SGMS1: variants seen among roughly 807,000 people sequenced by gnomAD.
SGMS1 encodes the protein sphingomyelin synthase 1.
In SGMS1, 13 loss-of-function variants were observed where a neutral mutation model predicts 46.2. The ratio of observed to expected loss-of-function variants is 0.28; its 90% CI spans 0.18 to 0.45. The LOEUF is 0.45. SGMS1 is among the 20% of genes least tolerant of loss of function. The pLI is 1.00. For synonymous variants in SGMS1, 203 were observed against 187.8 expected, an observed-to-expected ratio of 1.08 and a Z score of -0.66; for missense variants, 324 against 519.9, an observed-to-expected ratio of 0.62 and a Z score of 3.66.
At chr10:50,473,081 C>T (rs1410467258) in intron 3 of SGMS1, among the ~76,000 whole-genome samples, 2 of 152,144 alleles carry the variant, frequency 1.3e-5, no homozygotes, top group African/African-American at 2.4e-5. Context: ...CAGTCTTATT[C>T]CACTACCAAC....
At chr10:50,524,185 C>T (rs1421066751) in intron 2 of SGMS1, among the ~76,000 whole-genome samples, 2 of 152,166 alleles carry the variant, frequency 1.3e-5, no homozygotes, top group African/African-American at 2.4e-5. Flanking sequence ...TCTTGGGGCT[C>T]TTAGAACAGT....
chr10:50,348,650 C>T (rs775319343), intron 6 of SGMS1, among the ~76,000 whole-genome samples: 1 of 152,156 alleles, frequency 6.6e-6, no homozygotes, highest in Non-Finnish European at 1.5e-5. Flanking sequence ...CAAACCACTA[C>T]TCAAGGAAAT....
rs1360614134 is a variant in SGMS1, at chr10:50,444,423, C to T, written c.-312-10867G>A. ...AGGACAGATGAATAGAACAATGGAT[C>T]AAAACAGAGATCACAAATAGACACA... is the stretch of plus-strand genomic sequence containing the variant. On this transcript the variant is annotated intron_variant, in intron 5 of 10. Coordinates refer to ENST00000361781, the MANE Select transcript of SGMS1 (RefSeq NM_147156.4). Among the ~76,000 whole-genome samples, 3 of 152,234 alleles carry T rather than the reference C, an allele frequency of 2.0e-5. No homozygotes were observed. The East Asian group carries it at 5.8e-4, about 29-fold the overall frequency.
intron 2 of SGMS1, among the ~76,000 whole-genome samples, chr10:50,574,982 T>TATATATATATATATATATATATATAA (rs1478350910): frequency 6.9e-6 from 1 of 145,078 alleles, no homozygotes; most frequent in Non-Finnish European, 1.5e-5. Context: ...TATATATATA[T>TATATATATATATATATATATATATAA]ATAAAACAAA....
At chr10:50,502,723 A>T (rs1837672213) in intron 3 of SGMS1, among the ~76,000 whole-genome samples, 1 of 152,190 alleles carries the variant, frequency 6.6e-6, no homozygotes, top group South Asian at 2.1e-4. Flanking sequence ...CATCAAATGT[A>T]TTTATGTGGA....
At chr10:50,462,713 C>A (rs1254687659) in intron 4 of SGMS1, among the ~76,000 whole-genome samples, 4 of 152,062 alleles carry the variant, frequency 2.6e-5, no homozygotes, top group Non-Finnish European at 5.9e-5. Context: ...TCTAAATGCC[C>A]ATCAAAATGT....
intron 6 of SGMS1, among the ~76,000 whole-genome samples, chr10:50,416,165 C>A (rs1252947905): frequency 2.0e-5 from 3 of 152,140 alleles, no homozygotes; most frequent in Non-Finnish European, 4.4e-5. Flanking sequence ...CTGCTTTGAA[C>A]CAAGAACCTC....
intron 1 of SGMS1, among the ~76,000 whole-genome samples, chr10:50,592,773 T>C (rs143852524): frequency 6.6e-5 from 10 of 152,360 alleles, no homozygotes; most frequent in Non-Finnish European, 1.0e-4. Context: ...ATTCAGTATC[T>C]ATAAAACTTT....
chr10:50,587,296 GA>G (rs372108642), intron 2 of SGMS1, among the ~76,000 whole-genome samples: 2,046 of 151,378 alleles, frequency 0.014, 53 homozygotes, highest in African/African-American at 0.047. Context: ...ACAAATAGCA[GA>G]AAAAAAAATT....
chr10:50,463,555 G>A (rs1837293323), intron 4 of SGMS1, among the ~76,000 whole-genome samples: 1 of 152,200 alleles, frequency 6.6e-6, no homozygotes, highest in South Asian at 2.1e-4. Flanking sequence ...AAGTTGATCG[G>A]AATATTGGTA....
intron 2 of SGMS1, among the ~76,000 whole-genome samples, chr10:50,521,186 T>C (rs533029998): frequency 2.6e-5 from 4 of 152,176 alleles, no homozygotes; most frequent in Non-Finnish European, 5.9e-5. Context: ...TTTTTGTATT[T>C]GGAAATAATT....
chr10:50,524,919 G>A (rs1837888339), intron 2 of SGMS1, among the ~76,000 whole-genome samples: 2 of 152,076 alleles, frequency 1.3e-5, no homozygotes, highest in African/African-American at 4.8e-5. Flanking sequence ...TGCAAAAAGA[G>A]ACCTATAAAC....
chr10:50,392,326 T>C (rs1018011837), intron 6 of SGMS1, among the ~76,000 whole-genome samples: 3 of 152,186 alleles, frequency 2.0e-5, no homozygotes, highest in Non-Finnish European at 4.4e-5. Flanking sequence ...AATCTAGCTA[T>C]ATCCATTTAG....
At chr10:50,566,909 T>C (rs1457512744) in intron 2 of SGMS1, among the ~76,000 whole-genome samples, 1 of 152,182 alleles carries the variant, frequency 6.6e-6, no homozygotes, top group Non-Finnish European at 1.5e-5. Context: ...ATAGTTGTTA[T>C]ACTGGTTTTT....
intron 6 of SGMS1, among the ~76,000 whole-genome samples, chr10:50,351,167 C>T (rs900202794): frequency 6.6e-6 from 1 of 152,134 alleles, no homozygotes; most frequent in Non-Finnish European, 1.5e-5. Flanking sequence ...ATTTGACTGC[C>T]CCACTGGAGT....
chr10:50,325,954 A>G (rs1296134776), intron 8 of SGMS1, among the ~76,000 whole-genome samples: 4 of 152,150 alleles, frequency 2.6e-5, no homozygotes, highest in African/African-American at 9.7e-5. Context: ...CCTATAACCC[A>G]GGAGCTACAG....
intron 2 of SGMS1, among the ~76,000 whole-genome samples, chr10:50,552,038 A>C (rs1838153459): frequency 6.6e-6 from 1 of 152,222 alleles, no homozygotes; most frequent in Non-Finnish European, 1.5e-5. Context: ...ATATGCAAAC[A>C]AATTGATGTG....
intron 6 of SGMS1, among the ~76,000 whole-genome samples, chr10:50,396,008 T>G (rs1848843763): frequency 6.6e-6 from 1 of 152,192 alleles, no homozygotes; most frequent in African/African-American, 2.4e-5. Flanking sequence ...CTTAACCGAT[T>G]CATCATTCAT....
chr10:50,615,255 G>A (rs976261575), intron 1 of SGMS1, among the ~76,000 whole-genome samples: 1 of 152,144 alleles, frequency 6.6e-6, no homozygotes, highest in East Asian at 1.9e-4. Context: ...GGTCTTTCCG[G>A]ACAAAAGCCA....
Sources: allele counts gnomAD v4.1 joint callset (sites outside exome capture counted in the v4.1 genomes callset), GRCh38; gene constraint gnomAD v4.1.1; transcripts MANE v1.5; gene names NCBI Gene and HGNC (gene_info 2026-07-23, HGNC 2026-07-21).